NAALADL2: variants seen among roughly 807,000 people sequenced by gnomAD.
NAALADL2 encodes the protein N-acetylated alpha-linked acidic dipeptidase like 2, also known as inactive N-acetylated-alpha-linked acidic dipeptidase-like protein 2.
NAALADL2 carries 76 observed loss-of-function variants against 87.2 expected under a neutral mutation model. That is an observed-to-expected ratio of 0.87 (90% CI 0.72 to 1.05). NAALADL2 has a LOEUF of 1.05. Ranked by LOEUF, NAALADL2 falls within the 50% of genes least tolerant of loss-of-function variation. The probability of loss-of-function intolerance (pLI) is 0.00; values close to 1 mark genes in which losing one functional copy is unlikely to be tolerated. For missense variants in NAALADL2, 1,089 were observed against 945.8 expected, an observed-to-expected ratio of 1.15 and a Z score of -1.99; for synonymous variants, 354 against 331.0, an observed-to-expected ratio of 1.07 and a Z score of -0.75.
intron 1 of NAALADL2, among the ~76,000 whole-genome samples, chr3:174,876,815 G>C (rs1208940946): frequency 6.6e-6 from 1 of 152,016 alleles, no homozygotes; most frequent in Non-Finnish European, 1.5e-5. Context: ...TAGTTGGCTT[G>C]GGCTGCTAAA....
intron 1 of NAALADL2, among the ~76,000 whole-genome samples, chr3:174,444,171 C>G (rs1180328629): frequency 6.6e-6 from 1 of 151,996 alleles, no homozygotes; most frequent in African/African-American, 2.4e-5. Context: ...GAATGCTGTT[C>G]ACGAGGAGGT....
At chr3:174,535,845 A>G (rs1578113044) in intron 1 of NAALADL2, among the ~76,000 whole-genome samples, 2 of 152,132 alleles carry the variant, frequency 1.3e-5, no homozygotes, top group East Asian at 1.9e-4. Flanking sequence ...CCTCTACATT[A>G]TAATTTACTT....
intron 1 of NAALADL2, among the ~76,000 whole-genome samples, chr3:174,951,781 A>AT (rs765595082): frequency 9.2e-5 from 14 of 151,996 alleles, no homozygotes; most frequent in Non-Finnish European, 1.3e-4. Context: ...GTTAAATGTT[A>AT]TTTTTCTATT....
intron 3 of NAALADL2, among the ~76,000 whole-genome samples, chr3:175,250,529 T>C (rs759791393): frequency 6.6e-6 from 1 of 152,170 alleles, no homozygotes; most frequent in Non-Finnish European, 1.5e-5. Context: ...ATTTTAACAA[T>C]AGTCATTACT....
intron 1 of NAALADL2, among the ~76,000 whole-genome samples, chr3:174,511,015 T>C (rs2087214078): frequency 6.6e-6 from 1 of 152,044 alleles, no homozygotes; most frequent in Non-Finnish European, 1.5e-5. Context: ...ATATTTCTGT[T>C]ACTGATTTAT....
chr3:175,093,485 T>C (rs183225223), intron 1 of NAALADL2, among the ~76,000 whole-genome samples: 432 of 147,602 alleles, frequency 2.9e-3, no homozygotes, highest in Non-Finnish European at 4.5e-3. Flanking sequence ...TGTTTATTTT[T>C]GCAAAATGTC....
intron 3 of NAALADL2, among the ~76,000 whole-genome samples, chr3:175,237,276 A>G (rs1371262209): frequency 6.6e-6 from 1 of 152,148 alleles, no homozygotes; most frequent in Non-Finnish European, 1.5e-5. Flanking sequence ...TAGGGACCCT[A>G]TAATTATGAT....
intron 1 of NAALADL2, among the ~76,000 whole-genome samples, chr3:174,965,188 C>A (rs1467981624): frequency 6.6e-6 from 1 of 152,198 alleles, no homozygotes; most frequent in South Asian, 2.1e-4. Context: ...AGGCTATTGG[C>A]TGGAGATCTC....
At chr3:174,940,234 T>C (rs1237986350) in intron 1 of NAALADL2, among the ~76,000 whole-genome samples, 1 of 152,204 alleles carries the variant, frequency 6.6e-6, no homozygotes, top group Non-Finnish European at 1.5e-5. Flanking sequence ...TGTTGAGTTT[T>C]TTCAAAAGCC....
chr3:175,236,022 T>C (rs1417091880), intron 3 of NAALADL2, among the ~76,000 whole-genome samples: 1 of 152,156 alleles, frequency 6.6e-6, no homozygotes, highest in Admixed American at 6.6e-5. Context: ...GTTTCCACAC[T>C]GACCAAGGAA....
At chr3:175,508,094 G>A (rs1730606406) in intron 9 of NAALADL2, among the ~76,000 whole-genome samples, 1 of 152,202 alleles carries the variant, frequency 6.6e-6, no homozygotes, top group Non-Finnish European at 1.5e-5. Context: ...AAGTGATAGA[G>A]AGTGGGGCAG....
chr3:175,588,697 C>A (rs999933475), intron 10 of NAALADL2, among the ~76,000 whole-genome samples: 1 of 152,024 alleles, frequency 6.6e-6, no homozygotes, highest in African/African-American at 2.4e-5. Context: ...TGCCACCACA[C>A]CTGGCTAATG....
At chr3:175,531,161 G>C (rs1465056216) in intron 9 of NAALADL2, among the ~76,000 whole-genome samples, 2 of 151,952 alleles carry the variant, frequency 1.3e-5, no homozygotes, top group African/African-American at 2.4e-5. Flanking sequence ...TCCTGTTCTG[G>C]ACCACACTCA....
chr3:175,115,820 G>A (rs1023055882), intron 2 of NAALADL2, among the ~76,000 whole-genome samples: 6 of 151,812 alleles, frequency 4.0e-5, no homozygotes, highest in Admixed American at 6.6e-5. Flanking sequence ...GATGAACATC[G>A]ATGCAAAAAT....
rs532042824 is a variant in NAALADL2, at chr3:175,713,890, TC to T, written c.1897-23412del. Among the ~76,000 whole-genome samples, 516 of 152,074 alleles carry T rather than the reference TC, an allele frequency of 3.4e-3. 7 individuals carry two copies. The highest frequency in any genetic ancestry group is 0.012 in the African/African-American group (497 of 41,494). On this transcript the variant is annotated intron_variant, in intron 11 of 13. Coordinates refer to ENST00000454872, the MANE Select transcript of NAALADL2 (RefSeq NM_207015.3). ...TGCTACCCCTTCTCTAGCCCCCCAC[TC>T]CCCAATAGGCCCTGGTGTGTGATGT...
At chr3:174,527,107 T>C (rs1720837789) in intron 1 of NAALADL2, among the ~76,000 whole-genome samples, 1 of 152,048 alleles carries the variant, frequency 6.6e-6, no homozygotes, top group East Asian at 1.9e-4. Context: ...AAAGTCATAA[T>C]GTTTAAGTTG....
chr3:174,589,398 G>GTCTGACA (rs1717111527), intron 2 of NAALADL2, among the ~76,000 whole-genome samples: 1 of 152,000 alleles, frequency 6.6e-6, no homozygotes, highest in Non-Finnish European at 1.5e-5. Flanking sequence ...AAGCCCCAGT[G>GTCTGACA]AGACCAACCC....
intron 2 of NAALADL2, among the ~76,000 whole-genome samples, chr3:174,729,502 C>T (rs1180005484): frequency 6.6e-6 from 1 of 151,914 alleles, no homozygotes; most frequent in African/African-American, 2.4e-5. Flanking sequence ...GGGCCATAAA[C>T]CCTAGAAGAG....
intron 10 of NAALADL2, among the ~76,000 whole-genome samples, chr3:175,595,008 C>T (rs879485622): frequency 2.0e-5 from 3 of 151,942 alleles, no homozygotes; most frequent in Non-Finnish European, 4.4e-5. Flanking sequence ...GTTTAACTGG[C>T]TCCCACATGT....
Sources: allele counts gnomAD v4.1 joint callset (sites outside exome capture counted in the v4.1 genomes callset), GRCh38; gene constraint gnomAD v4.1.1; transcripts MANE v1.5; gene names NCBI Gene and HGNC (gene_info 2026-07-23, HGNC 2026-07-21).